Variants in BTNL8 observed in about 807,000 individuals in gnomAD.
BTNL8 encodes butyrophilin-like protein 8.
BTNL8 carries 22 observed loss-of-function variants against 36.1 expected under a neutral mutation model. The ratio of observed to expected loss-of-function variants is 0.61; its 90% CI spans 0.44 to 0.87. The LOEUF (loss-of-function observed/expected upper bound fraction) is 0.87, where lower values mean the gene tolerates loss of function less well. BTNL8 is among the 40% of genes least tolerant of loss of function. The pLI is 0.00. For synonymous variants in BTNL8, 203 were observed against 235.6 expected, an observed-to-expected ratio of 0.86 and a Z score of 1.27; for missense variants, 526 against 616.9, an observed-to-expected ratio of 0.85 and a Z score of 1.56.
chr5:180,943,130 C>CTTTT (rs35271643), intron 3 of BTNL8, among the ~76,000 whole-genome samples: 57 of 100,638 alleles, frequency 5.7e-4, no homozygotes, highest in African/African-American at 6.7e-4. Context: ...GGAAGATAGA[C>CTTTT]TTTTTTTTTT....
At position 180,950,757 on chromosome 5, in the gene BTNL8, A is replaced by G. The variant is rs1759518874; in HGVS notation, c.*213A>G. On this transcript the variant is annotated 3_prime_UTR_variant, in exon 8 of 8. Coordinates refer to ENST00000340184, the MANE Select transcript of BTNL8 (RefSeq NM_001040462.3). ...CTCCATCTGGCTAAGTGATCTTGAA[A>G]TACCACCTCTCAGGTGAAGAACCGT... 1 of 540,734 alleles carries G rather than the reference A, an allele frequency of 1.8e-6. No homozygotes were observed. Among genetic ancestry groups the G allele is most frequent in the African/African-American group, 1.9e-5 (1 of 52,410 alleles). The allele number at this position is 540,734 out of a possible 1,614,324, so 33.5% of individuals were successfully genotyped here. A position where few individuals can be genotyped will look rare whatever the true frequency, so the allele number is the denominator to read the frequency against.
chr5:180,918,660 C>T (rs1345813922), intron 3 of BTNL8, among the ~76,000 whole-genome samples: 2 of 152,186 alleles, frequency 1.3e-5, no homozygotes, highest in African/African-American at 2.4e-5. Flanking sequence ...GGTTGAGTTA[C>T]AGCTTGATTT....
At chr5:180,942,471 TC>T (rs1445867988) in intron 3 of BTNL8, among the ~76,000 whole-genome samples, 4 of 151,954 alleles carry the variant, frequency 2.6e-5, no homozygotes, top group Admixed American at 2.0e-4. Context: ...CACAAAAGAC[TC>T]CAAACAGCCA....
chr5:180,913,357 C>T lies in BTNL8; in HGVS notation c.673+1743C>T, dbSNP rs148173040. ...ACCATGCAAGACAATGCTGATGCTA[C>T]GCAGGACCCACCCCTACCATTCCTC... On this transcript the variant is annotated intron_variant, in intron 3 of 7. Coordinates refer to ENST00000340184, the MANE Select transcript of BTNL8 (RefSeq NM_001040462.3). Among the ~76,000 whole-genome samples, 1,417 of 152,240 alleles carry T rather than the reference C, an allele frequency of 9.3e-3. 12 individuals carry two copies. The highest frequency in any genetic ancestry group is 0.016 in the Non-Finnish European group (1,082 of 68,014).
At chr5:180,926,577 A>G (rs546701236) in intron 3 of BTNL8, among the ~76,000 whole-genome samples, 2 of 152,300 alleles carry the variant, frequency 1.3e-5, no homozygotes, top group Admixed American at 1.3e-4. Flanking sequence ...CAAGGGCTTG[A>G]AATTCTCACT....
chr5:180,942,351 A>C (rs1421834042), intron 3 of BTNL8, among the ~76,000 whole-genome samples: 1 of 152,226 alleles, frequency 6.6e-6, no homozygotes, highest in Non-Finnish European at 1.5e-5. Flanking sequence ...AAGATTGGTA[A>C]AATGACCACA....
chr5:180,934,650 C>T (rs1758561297), intron 3 of BTNL8, among the ~76,000 whole-genome samples: 1 of 152,212 alleles, frequency 6.6e-6, no homozygotes. Context: ...CTGCAAGTAG[C>T]TTCCACTGTA....
chr5:180,923,274 A>T lies in BTNL8; in HGVS notation c.673+11660A>T, dbSNP rs188566210. Among the ~76,000 whole-genome samples, 296 of 152,286 alleles carry T rather than the reference A, an allele frequency of 1.9e-3. 1 individual carries two copies. The highest frequency in any genetic ancestry group is 0.01 in the Middle Eastern group (3 of 294). The stretch of plus-strand genomic sequence containing the variant: ...TATAAACTCCAAGCAAATGTTTTTT[A>T]AAAAACCTAATATATTATGACTGAA... On this transcript the variant is annotated intron_variant, in intron 3 of 7. Coordinates refer to ENST00000340184, the MANE Select transcript of BTNL8 (RefSeq NM_001040462.3).
At chr5:180,903,368 G>T (rs1172863884) in intron 1 of BTNL8, among the ~76,000 whole-genome samples, 2 of 100,384 alleles carry the variant, frequency 2.0e-5, no homozygotes, top group South Asian at 2.6e-4. Context: ...TTTTGATGGG[G>T]TTGTTTGTTT....
intron 3 of BTNL8, among the ~76,000 whole-genome samples, chr5:180,929,755 C>T (rs1313375092): frequency 6.6e-6 from 1 of 152,184 alleles, no homozygotes; most frequent in Non-Finnish European, 1.5e-5. Context: ...CCTCCCAACA[C>T]TAAACCAGGA....
rs765157415 is a variant in BTNL8, at chr5:180,908,620, C to A, written c.84C>A (p.Val28=). Residue 28 remains valine (V), a synonymous_variant, in exon 2 of 8, where the codon GTC becomes GTA. Transcript: ENST00000340184. The part of the protein sequence containing the change: ...QWQVFGPDKP[V]QALVGEDAAF... ...AGGTGTTTGGGCCAGACAAGCCTGT[C>A]CAGGCCTTGGTGGGGGAGGACGCAG... 2.2e-5 allele frequency: 36 copies of A among 1,614,054 alleles called. No homozygotes were observed. Among genetic ancestry groups the A allele is most frequent in the Non-Finnish European group, 2.8e-5 (33 of 1,180,018 alleles).
At chr5:180,934,116 T>A (rs574474912) in intron 3 of BTNL8, among the ~76,000 whole-genome samples, 1 of 152,174 alleles carries the variant, frequency 6.6e-6, no homozygotes, top group Non-Finnish European at 1.5e-5. Flanking sequence ...GATTTAACCC[T>A]AGGATGCAAG....
intron 3 of BTNL8, among the ~76,000 whole-genome samples, chr5:180,946,933 A>G (rs1433603700): frequency 6.6e-6 from 1 of 152,224 alleles, no homozygotes; most frequent in Non-Finnish European, 1.5e-5. Context: ...ATAGTTTTTC[A>G]GACAAGATGC....
In BTNL8 at chr5:180,945,130, G is replaced by A. The variant is rs186648302; in HGVS notation, c.674-2382G>A. On this transcript the variant is annotated intron_variant, in intron 3 of 7. Transcript: ENST00000340184. ...CACAAAAGCGGACACATCACTCAAT[G>A]GAACAGGATGGAAAGTTTGGAAGTA... is the stretch of plus-strand genomic sequence containing the variant. Among the ~76,000 whole-genome samples the A allele has an allele frequency of 4.6e-4, 70 of 152,292 alleles. 1 individual carries two copies. The highest frequency in any genetic ancestry group is 6.6e-4 in the Non-Finnish European group (45 of 68,016).
intron 3 of BTNL8, among the ~76,000 whole-genome samples, chr5:180,917,725 A>G (rs1183463907): frequency 2.6e-5 from 4 of 152,198 alleles, no homozygotes; most frequent in Non-Finnish European, 5.9e-5. Context: ...AAATATTTAA[A>G]GAAAAATTAA....
At chr5:180,902,241 C>A in intron 1 of BTNL8, 2 of 1,002,390 alleles carry the variant, frequency 2.0e-6, no homozygotes, top group East Asian at 2.7e-5. Flanking sequence ...GGCAATAGAA[C>A]CTCCTGGAAT....
intron 7 of BTNL8, 132 bp downstream of exon 7, chr5:180,949,397 T>A: frequency 7.6e-7 from 1 of 1,308,940 alleles, no homozygotes; most frequent in South Asian, 1.2e-5. Flanking sequence ...AGAAACTGGA[T>A]GCTTGATCGC....
intron 3 of BTNL8, among the ~76,000 whole-genome samples, chr5:180,934,472 C>T (rs764397329): frequency 2.0e-4 from 31 of 152,306 alleles, no homozygotes; most frequent in Non-Finnish European, 4.1e-4. Flanking sequence ...CCACACCTGC[C>T]AAGGGCGAGC....
intron 2 of BTNL8, chr5:180,909,523 C>G: frequency 1.0e-6 from 1 of 986,092 alleles, no homozygotes; most frequent in South Asian, 4.7e-5. Flanking sequence ...CCCTGACAAT[C>G]AGTTGCTCAA....
Sources: gnomAD v4.1 joint callset for allele counts (sites outside exome capture counted in the v4.1 genomes callset) on GRCh38, gnomAD v4.1.1 for gene constraint, MANE v1.5 for transcripts, NCBI Gene and HGNC (gene_info 2026-07-23, HGNC 2026-07-21) for gene names.